The following CDK6 variants were observed in gnomAD, a reference collection of about 807,000 sequenced individuals.
CDK6 encodes the protein cyclin dependent kinase 6.
In CDK6, 6 loss-of-function variants were observed where a neutral mutation model predicts 37.1. The ratio of observed to expected loss-of-function variants is 0.16; its 90% CI spans 0.09 to 0.32. The LOEUF is 0.32. CDK6 is among the 10% of genes least tolerant of loss of function. The pLI is 1.00. For missense variants in CDK6, 224 were observed against 418.9 expected (o/e 0.53, Z 4.06); for synonymous variants, 160 against 161.3 (o/e 0.99, Z 0.06).
chr7:92,790,196 C>T (rs1800247165), intron 2 of CDK6, among the ~76,000 whole-genome samples: 1 of 152,176 alleles, frequency 6.6e-6, no homozygotes, highest in Non-Finnish European at 1.5e-5. Context: ...ATCACACCCC[C>T]ATCCAAATAA....
intron 5 of CDK6, among the ~76,000 whole-genome samples, chr7:92,635,718 T>G (rs1410277575): frequency 2.0e-5 from 3 of 152,214 alleles, no homozygotes; most frequent in Non-Finnish European, 4.4e-5. Context: ...CAAGGAAAAT[T>G]CAATGCTGTT....
At chr7:92,687,267 T>C (rs1172839405) in intron 4 of CDK6, among the ~76,000 whole-genome samples, 1 of 152,210 alleles carries the variant, frequency 6.6e-6, no homozygotes, top group African/African-American at 2.4e-5. Context: ...CCATCTCTGT[T>C]ACCCCCATAA....
At chr7:92,621,438 G>A (rs1309418640) in intron 6 of CDK6, among the ~76,000 whole-genome samples, 6 of 152,140 alleles carry the variant, frequency 3.9e-5, no homozygotes. Context: ...ATGTACTAAG[G>A]GGGCACTAAC....
intron 2 of CDK6, among the ~76,000 whole-genome samples, chr7:92,780,772 A>C (rs549474857): frequency 5.5e-4 from 84 of 151,574 alleles, no homozygotes; most frequent in East Asian, 1.7e-3. Context: ...TCAAAAAAAA[A>C]AAAAAAACAA....
chr7:92,686,256 A>G (rs1797450401), intron 4 of CDK6, among the ~76,000 whole-genome samples: 1 of 152,086 alleles, frequency 6.6e-6, no homozygotes, highest in Non-Finnish European at 1.5e-5. Context: ...ACTGTACCCA[A>G]TGTGTAGTCT....
Position 92,823,445 on chromosome 7 carries a change from A to G in CDK6, c.233+9646T>C, listed in dbSNP as rs911707689. 1.3e-3 allele frequency among the ~76,000 whole-genome samples: 4 copies of G among 3,118 alleles called. No homozygotes were observed. In the East Asian group the frequency reaches 0.33, roughly 260 times the overall value. The allele number at this position is 3,118 out of a possible 152,430, so 2.0% of individuals were successfully genotyped here. A position where few individuals can be genotyped will look rare whatever the true frequency, so the allele number is the denominator to read the frequency against. On this transcript the variant is annotated intron_variant, in intron 2 of 7. Coordinates refer to ENST00000424848, the MANE Select transcript of CDK6 (RefSeq NM_001145306.2). ...CTCTTCTTTTGAGTCTTAATATGTA[A>G]AAAAAAAAAAAAAAAAAAAAAAAAA...
At chr7:92,683,531 G>C (rs902045084) in intron 4 of CDK6, among the ~76,000 whole-genome samples, 11 of 152,216 alleles carry the variant, frequency 7.2e-5, no homozygotes, top group African/African-American at 2.7e-4. Context: ...CAGATTGTCA[G>C]GTGGAAGCAG....
At chr7:92,707,401 T>C (rs2116673279) in intron 4 of CDK6, among the ~76,000 whole-genome samples, 1 of 152,340 alleles carries the variant, frequency 6.6e-6, no homozygotes, top group Non-Finnish European at 1.5e-5. Context: ...GGTATTATAC[T>C]GTGTATAATA....
Position 92,656,349 on chromosome 7 carries a change from C to A in CDK6, c.647+15077G>T, listed in dbSNP as rs144022160. Among the ~76,000 whole-genome samples, 211 of 152,242 alleles carry A rather than the reference C, an allele frequency of 1.4e-3. 1 individual carries two copies. Among genetic ancestry groups the A allele is most frequent in the African/African-American group, 4.6e-3 (192 of 41,544 alleles). On this transcript the variant is annotated intron_variant, in intron 5 of 7. Transcript: ENST00000424848. Reference sequence around the variant, plus strand: ...ACAAAAGAGCAAGGGTATCAGACAGCCACAGACCACTCCACAGCAAGGGCC... The same window carrying A: ...ACAAAAGAGCAAGGGTATCAGACAGACACAGACCACTCCACAGCAAGGGCC...
At chr7:92,799,387 TC>T (rs1440366020) in intron 2 of CDK6, among the ~76,000 whole-genome samples, 1 of 152,156 alleles carries the variant, frequency 6.6e-6, no homozygotes, top group Non-Finnish European at 1.5e-5. Flanking sequence ...TCCCATGGCT[TC>T]CCTGAGAGTT....
chr7:92,795,161 TC>T (rs1800377806), intron 2 of CDK6, among the ~76,000 whole-genome samples: 1 of 152,112 alleles, frequency 6.6e-6, no homozygotes, highest in South Asian at 2.1e-4. Flanking sequence ...TTGTCGTTTT[TC>T]CCCTCATGCT....
At chr7:92,756,681 A>G (rs913205232) in intron 3 of CDK6, among the ~76,000 whole-genome samples, 11 of 152,170 alleles carry the variant, frequency 7.2e-5, no homozygotes, top group African/African-American at 1.7e-4. Context: ...TTCCAGGGGA[A>G]CTCTTCCAAT....
chr7:92,821,662 T>G (rs1230734438), intron 2 of CDK6, among the ~76,000 whole-genome samples: 1 of 151,860 alleles, frequency 6.6e-6, no homozygotes, highest in Non-Finnish European at 1.5e-5. Context: ...CCTCTCTTCA[T>G]TCCTTCTTTC....
At chr7:92,757,288 C>A (rs1384064643) in intron 3 of CDK6, among the ~76,000 whole-genome samples, 1 of 152,072 alleles carries the variant, frequency 6.6e-6, no homozygotes, top group East Asian at 1.9e-4. Flanking sequence ...ATCTTTTCTG[C>A]TCCTCTCCCT....
intron 5 of CDK6, among the ~76,000 whole-genome samples, chr7:92,646,727 G>C (rs948447181): frequency 6.6e-6 from 1 of 151,986 alleles, no homozygotes; most frequent in African/African-American, 2.4e-5. Flanking sequence ...AAGAATATTT[G>C]CTCATTCATT....
intron 2 of CDK6, among the ~76,000 whole-genome samples, chr7:92,831,322 C>T (rs1038625817): frequency 6.6e-6 from 1 of 152,188 alleles, no homozygotes; most frequent in Non-Finnish European, 1.5e-5. Flanking sequence ...TAGTGTTATA[C>T]AGGGGTGCCT....
chr7:92,705,051 G>A (rs1434292585), intron 4 of CDK6, among the ~76,000 whole-genome samples: 2 of 152,182 alleles, frequency 1.3e-5, no homozygotes, highest in Non-Finnish European at 2.9e-5. Flanking sequence ...TCGAACTGGT[G>A]AGTTTTGTCC....
chr7:92,794,200 T>C (rs1800349513), intron 2 of CDK6, among the ~76,000 whole-genome samples: 2 of 152,178 alleles, frequency 1.3e-5, no homozygotes, highest in Non-Finnish European at 2.9e-5. Context: ...ACTGAGTGCT[T>C]ACTGTGTGTC....
Position 92,833,071 on chromosome 7 carries a change from G to C in CDK6, c.233+20C>G. ...CGCGCGCGAGGCCCCAGATGGCGAG[G>C]GCGCAGCTCCCTGGCTCACCTGACC... On this transcript the variant is annotated intron_variant, in intron 2 of 7. Coordinates refer to ENST00000424848, the MANE Select transcript of CDK6 (RefSeq NM_001145306.2). The surrounding 1 kb of genome is among the most constrained non-coding windows in gnomAD (Gnocchi z 6.1). 1 of 1,522,916 alleles carries C rather than the reference G, an allele frequency of 6.6e-7. No individual in the cohort carries two copies. The highest frequency in any genetic ancestry group is 1.9e-5 in the Admixed American group (1 of 51,374). The allele number at this position is 1,522,916 out of a possible 1,614,324, so 94.3% of individuals were successfully genotyped here. A position where few individuals can be genotyped will look rare whatever the true frequency, so the allele number is the denominator to read the frequency against.
Sources: allele counts gnomAD v4.1 joint callset (sites outside exome capture counted in the v4.1 genomes callset), GRCh38; gene constraint gnomAD v4.1.1; non-coding constraint Gnocchi (gnomAD v3.1); transcripts MANE v1.5; gene names NCBI Gene and HGNC (gene_info 2026-07-23, HGNC 2026-07-21).